The following PTPRN2 variants were observed in gnomAD, a reference collection of about 807,000 sequenced individuals.
The protein encoded by PTPRN2 is protein tyrosine phosphatase receptor type N2.
A neutral mutation model predicts 118.8 loss-of-function variants in PTPRN2; 74 were observed. That is an observed-to-expected ratio of 0.62 (90% CI 0.52 to 0.76). The LOEUF (loss-of-function observed/expected upper bound fraction) is 0.76. PTPRN2 is among the 30% of genes least tolerant of loss of function. The pLI, the probability that PTPRN2 is intolerant of heterozygous loss-of-function variation, is 0.00. For synonymous variants in PTPRN2, 641 were observed against 608.0 expected, an observed-to-expected ratio of 1.05 and a Z score of -0.80; for missense variants, 1,481 against 1,394.4, an observed-to-expected ratio of 1.06 and a Z score of -0.99.
At chr7:157,592,092 A>G (rs1801014054) in intron 17 of PTPRN2, among the ~76,000 whole-genome samples, 1 of 152,216 alleles carries the variant, frequency 6.6e-6, no homozygotes, top group Non-Finnish European at 1.5e-5. Flanking sequence ...ATGTGTCTCA[A>G]AATTATCTTG....
At chr7:158,423,793 G>A (rs1484920687) in intron 2 of PTPRN2, among the ~76,000 whole-genome samples, 18 of 152,146 alleles carry the variant, frequency 1.2e-4, no homozygotes, top group Admixed American at 1.2e-3. Context: ...TTACAGGCAT[G>A]AGCCACCACA....
At chr7:157,620,746 T>A (rs1803119184) in intron 15 of PTPRN2, among the ~76,000 whole-genome samples, 1 of 152,120 alleles carries the variant, frequency 6.6e-6, no homozygotes, top group Admixed American at 6.5e-5. Context: ...GGGGATGGCA[T>A]CGCAGAGGGG....
chr7:157,742,094 G>A (rs745461183), intron 12 of PTPRN2, among the ~76,000 whole-genome samples: 4 of 152,160 alleles, frequency 2.6e-5, no homozygotes, highest in South Asian at 4.2e-4. Flanking sequence ...ATCTCTCTAC[G>A]GTGACTGAGT....
intron 21 of PTPRN2, among the ~76,000 whole-genome samples, chr7:157,561,803 T>A (rs1180265280): frequency 1.3e-5 from 2 of 152,220 alleles, no homozygotes; most frequent in Non-Finnish European, 2.9e-5. Flanking sequence ...TCCTTACCTG[T>A]CTCTCGGCAG....
chr7:158,279,204 C>T (rs1346287801), intron 3 of PTPRN2, among the ~76,000 whole-genome samples: 1 of 152,308 alleles, frequency 6.6e-6, no homozygotes, highest in Non-Finnish European at 1.5e-5. Context: ...GTTGATTGGT[C>T]CATTTTACAG....
chr7:157,683,023 T>G, intron 12 of PTPRN2, 86 bp from the exon 13 acceptor site: 1 of 1,226,604 alleles, frequency 8.2e-7, no homozygotes, highest in Non-Finnish European at 1.2e-6. Flanking sequence ...AACTTGAAAG[T>G]GGAAAGCTCA....
intron 3 of PTPRN2, among the ~76,000 whole-genome samples, chr7:158,254,326 T>C (rs538754555): frequency 0.046 from 214 of 4,610 alleles, no homozygotes; most frequent in Middle Eastern, 0.25. Context: ...AACTGGACAG[T>C]GGCACAGAGC....
chr7:158,016,395 T>G (rs1806460332), intron 11 of PTPRN2, among the ~76,000 whole-genome samples: 1 of 152,036 alleles, frequency 6.6e-6, no homozygotes, highest in South Asian at 2.1e-4. Context: ...TGTAAGAAAG[T>G]CACCAGAGAA....
chr7:157,653,990 C>T (rs1360174441), intron 14 of PTPRN2, among the ~76,000 whole-genome samples: 7 of 115,058 alleles, frequency 6.1e-5, no homozygotes, highest in Non-Finnish European at 7.2e-5. Context: ...CCATGCCCGC[C>T]GCTCCCCACA....
At chr7:158,248,368 G>C (rs759763261) in intron 3 of PTPRN2, among the ~76,000 whole-genome samples, 1 of 152,188 alleles carries the variant, frequency 6.6e-6, no homozygotes, top group African/African-American at 2.4e-5. Context: ...CCGACCACGT[G>C]GGGACACAGC....
chr7:157,640,831 G>T (rs1804624986), intron 14 of PTPRN2, among the ~76,000 whole-genome samples: 1 of 152,228 alleles, frequency 6.6e-6, no homozygotes, highest in South Asian at 2.1e-4. Context: ...TGTTATGCAA[G>T]TGTGAGGATC....
intron 14 of PTPRN2, among the ~76,000 whole-genome samples, chr7:157,654,141 A>C (rs946044241): frequency 3.2e-3 from 12 of 3,752 alleles, no homozygotes; most frequent in Non-Finnish European, 4.5e-3. Flanking sequence ...ACTGCCCGCC[A>C]CTCCCCACAC....
At chr7:158,243,915 T>TAGC (rs1418682104) in intron 3 of PTPRN2, among the ~76,000 whole-genome samples, 1 of 152,198 alleles carries the variant, frequency 6.6e-6, no homozygotes, top group Admixed American at 6.5e-5. Context: ...ACCTCCTAAG[T>TAGC]AGCAGTCTTT....
intron 5 of PTPRN2, among the ~76,000 whole-genome samples, chr7:158,177,835 T>C (rs999381581): frequency 1.3e-5 from 2 of 152,258 alleles, no homozygotes; most frequent in Non-Finnish European, 2.9e-5. Flanking sequence ...TGAAGATACG[T>C]GTGTAAATCT....
intron 11 of PTPRN2, among the ~76,000 whole-genome samples, chr7:158,020,437 G>A (rs2128875537): frequency 6.6e-6 from 1 of 152,312 alleles, no homozygotes. Context: ...GCTCTGGGTT[G>A]CGGGGAACGT....
chr7:157,608,170 T>G (rs954165600), intron 15 of PTPRN2, among the ~76,000 whole-genome samples: 1 of 152,112 alleles, frequency 6.6e-6, no homozygotes, highest in Non-Finnish European at 1.5e-5. Context: ...CGGGTTCAAG[T>G]GATTCTCCTG....
At chr7:158,070,300 A>T (rs866965026) in intron 11 of PTPRN2, among the ~76,000 whole-genome samples, 101 of 147,408 alleles carry the variant, frequency 6.9e-4, no homozygotes, top group African/African-American at 2.5e-3. Flanking sequence ...GTGGTGGTGG[A>T]GGTGCTCCTG....
At chr7:158,512,490 T>A (rs765969208) in intron 1 of PTPRN2, among the ~76,000 whole-genome samples, 2 of 152,098 alleles carry the variant, frequency 1.3e-5, no homozygotes, top group African/African-American at 2.4e-5. Flanking sequence ...AACAGAAATA[T>A]TTATAAATAT....
At chr7:157,938,025 T>C (rs1799825205) in intron 11 of PTPRN2, among the ~76,000 whole-genome samples, 1 of 152,076 alleles carries the variant, frequency 6.6e-6, no homozygotes, top group South Asian at 2.1e-4. Context: ...TGAAGCAGAG[T>C]GCATGGTGGG....
Sources: allele counts gnomAD v4.1 joint callset (sites outside exome capture counted in the v4.1 genomes callset), GRCh38; gene constraint gnomAD v4.1.1; transcripts MANE v1.5; gene names NCBI Gene and HGNC (gene_info 2026-07-23, HGNC 2026-07-21).